Variants in GAP43 observed in about 807,000 individuals in gnomAD.
GAP43 encodes the protein neuromodulin.
GAP43 carries 6 observed loss-of-function variants against 18.6 expected under a neutral mutation model. The observed-to-expected ratio is 0.32, with a 90% CI of 0.18 to 0.64. The LOEUF is 0.64. GAP43 is among the 30% of genes least tolerant of loss of function. The probability of loss-of-function intolerance (pLI) is 0.78; values close to 1 mark genes in which losing one functional copy is unlikely to be tolerated. For synonymous variants in GAP43, 115 were observed against 111.4 expected (o/e 1.03, Z -0.20); for missense variants, 292 against 295.5 (o/e 0.99, Z 0.09).
chr3:115,716,197 C>T (rs914101986), intron 2 of GAP43, among the ~76,000 whole-genome samples: 1 of 152,058 alleles, frequency 6.6e-6, no homozygotes, highest in African/African-American at 2.4e-5. Context: ...ACTAAACAGT[C>T]GACATTATTT....
chr3:115,626,643 G>A (rs918555344), intron 1 of GAP43, among the ~76,000 whole-genome samples: 1 of 152,132 alleles, frequency 6.6e-6, no homozygotes. Context: ...GGCAAGGTGT[G>A]ATTTATGTCT....
chr3:115,660,390 C>G (rs1434043031), intron 1 of GAP43, among the ~76,000 whole-genome samples: 2 of 152,108 alleles, frequency 1.3e-5, no homozygotes, highest in Non-Finnish European at 2.9e-5. Context: ...AATAGGGAAA[C>G]AGAACATATA....
chr3:115,711,422 G>A (rs1018835135), intron 2 of GAP43, among the ~76,000 whole-genome samples: 1 of 152,026 alleles, frequency 6.6e-6, no homozygotes, highest in South Asian at 2.1e-4. Flanking sequence ...TGAGAGAAAA[G>A]AGCTCCTGAA....
intron 1 of GAP43, among the ~76,000 whole-genome samples, chr3:115,629,636 C>T (rs996479135): frequency 6.6e-6 from 1 of 152,122 alleles, no homozygotes; most frequent in Non-Finnish European, 1.5e-5. Flanking sequence ...TCACTTATTG[C>T]ACTATTTGAC....
chr3:115,697,211 A>ATATAT (rs58640633), intron 2 of GAP43, among the ~76,000 whole-genome samples: 1 of 151,440 alleles, frequency 6.6e-6, no homozygotes, highest in African/African-American at 2.4e-5. Flanking sequence ...TATAATAATA[A>ATATAT]ACTTCATGAA....
At chr3:115,653,909 TA>T (rs958461830) in intron 1 of GAP43, among the ~76,000 whole-genome samples, 19 of 150,302 alleles carry the variant, frequency 1.3e-4, no homozygotes, top group African/African-American at 2.2e-4. Flanking sequence ...CATCTGAAAT[TA>T]AAAAAAAAAT....
chr3:115,636,293 T>C (rs1431367478), intron 1 of GAP43, among the ~76,000 whole-genome samples: 4 of 152,140 alleles, frequency 2.6e-5, no homozygotes, highest in Non-Finnish European at 5.9e-5. Context: ...TCCCAGCTCA[T>C]AACAGAAATA....
intron 1 of GAP43, among the ~76,000 whole-genome samples, chr3:115,656,956 C>A (rs539619364): frequency 3.3e-5 from 5 of 152,242 alleles, no homozygotes. Context: ...ATATAAAAAA[C>A]TATATACACA....
At chr3:115,664,342 C>T (rs748158675) in intron 1 of GAP43, among the ~76,000 whole-genome samples, 4 of 151,832 alleles carry the variant, frequency 2.6e-5, no homozygotes, top group Non-Finnish European at 4.4e-5. Context: ...TAAAAGAAAA[C>T]TATAAAATAT....
intron 2 of GAP43, among the ~76,000 whole-genome samples, chr3:115,692,092 T>C (rs1449068492): frequency 6.6e-6 from 1 of 152,214 alleles, no homozygotes; most frequent in African/African-American, 2.4e-5. Context: ...ACGGATGATA[T>C]TCTTGGCAAA....
chr3:115,648,134 C>T (rs576422472), intron 1 of GAP43, among the ~76,000 whole-genome samples: 35 of 152,060 alleles, frequency 2.3e-4, no homozygotes, highest in Non-Finnish European at 4.3e-4. Context: ...TGACAAGGCT[C>T]GTCATGGAAG....
chr3:115,631,051 T>C (rs1435976171), intron 1 of GAP43, among the ~76,000 whole-genome samples: 2 of 152,200 alleles, frequency 1.3e-5, no homozygotes, highest in Non-Finnish European at 2.9e-5. Flanking sequence ...CTCAGCTCTA[T>C]TGGTCCCCCT....
intron 1 of GAP43, among the ~76,000 whole-genome samples, chr3:115,667,772 C>T (rs1238136225): frequency 6.6e-6 from 1 of 152,178 alleles, no homozygotes; most frequent in African/African-American, 2.4e-5. Flanking sequence ...CATTGGCTTC[C>T]TGCAGCTCTT....
At chr3:115,631,064 C>T (rs1708255518) in intron 1 of GAP43, among the ~76,000 whole-genome samples, 1 of 152,188 alleles carries the variant, frequency 6.6e-6, no homozygotes, top group Non-Finnish European at 1.5e-5. Context: ...GTCCCCCTCA[C>T]AAGGTGGATG....
At chr3:115,629,227 A>C (rs536037717) in intron 1 of GAP43, among the ~76,000 whole-genome samples, 27 of 152,324 alleles carry the variant, frequency 1.8e-4, no homozygotes, top group African/African-American at 4.1e-4. Context: ...GTAACTTTCT[A>C]TGTGGAGTTC....
intron 2 of GAP43, among the ~76,000 whole-genome samples, chr3:115,685,402 A>G (rs1018116435): frequency 2.4e-4 from 37 of 152,316 alleles, no homozygotes; most frequent in African/African-American, 8.2e-4. Flanking sequence ...ATCTGACACA[A>G]TTAAGTAATC....
chr3:115,663,841 C>T lies in GAP43; in HGVS notation c.31-12172C>T, dbSNP rs758200430. On this transcript the variant is annotated intron_variant, in intron 1 of 2. Coordinates refer to ENST00000305124, the MANE Select transcript of GAP43 (RefSeq NM_002045.4). ...TCCACTTTTTACCTTGCCTGGGAGG[C>T]TTGAGGAAAAATCTTCAGAGAGCAG... is the stretch of plus-strand genomic sequence containing the variant. 5.2e-6 allele frequency: 8 copies of T among 1,551,982 alleles called. No individual in the cohort carries two copies. The Middle Eastern group carries it at 6.7e-4, about 130-fold the overall frequency.
intron 1 of GAP43, among the ~76,000 whole-genome samples, chr3:115,655,946 G>A (rs1708575180): frequency 6.6e-6 from 1 of 152,168 alleles, no homozygotes; most frequent in South Asian, 2.1e-4. Flanking sequence ...ATAATAAATT[G>A]AGGCCTGCCA....
In GAP43 at chr3:115,648,936, A is replaced by G. The variant is rs543734327; in HGVS notation, c.30+25217A>G. On this transcript the variant is annotated intron_variant, in intron 1 of 2. Transcript: ENST00000305124. Reference sequence around the variant, plus strand: ...TATAGGAATAAAGAGACCATTGATAATCTCTGAGTGGGTAGTTTAGTTGAG... The same window carrying G: ...TATAGGAATAAAGAGACCATTGATAGTCTCTGAGTGGGTAGTTTAGTTGAG... 3.9e-5 allele frequency among the ~76,000 whole-genome samples: 6 copies of G among 152,274 alleles called. No individual in the cohort carries two copies. In the East Asian group the frequency reaches 1.2e-3, roughly 29 times the overall value.
Sources: gnomAD v4.1 joint callset for allele counts (sites outside exome capture counted in the v4.1 genomes callset) on GRCh38, gnomAD v4.1.1 for gene constraint, MANE v1.5 for transcripts, NCBI Gene and HGNC (gene_info 2026-07-23, HGNC 2026-07-21) for gene names.